The following RAB23 variants were observed in gnomAD, a reference collection of about 807,000 sequenced individuals.
RAB23 encodes the protein ras-related protein Rab-23.
A neutral mutation model predicts 30.0 loss-of-function variants in RAB23; 15 were observed. The observed-to-expected ratio is 0.50, with a 90% CI of 0.33 to 0.77. RAB23 has a LOEUF of 0.77. Among genes scored for constraint, RAB23 ranks in the 30% least tolerant of loss-of-function variants. The pLI is 0.02. For synonymous variants in RAB23, 93 were observed against 94.0 expected (o/e 0.99, Z 0.06); for missense variants, 243 against 275.4 (o/e 0.88, Z 0.83).
At chr6:57,210,631 T>A (rs1765617740) in intron 1 of RAB23, among the ~76,000 whole-genome samples, 186 bp from the exon 2 acceptor site, 1 of 152,196 alleles carries the variant, frequency 6.6e-6, no homozygotes, top group African/African-American at 2.4e-5. Flanking sequence ...TTTGAATGAA[T>A]CCTCATCAAT....
intron 4 of RAB23, among the ~76,000 whole-genome samples, chr6:57,195,797 A>G (rs532690723): frequency 7.1e-4 from 108 of 152,288 alleles, no homozygotes; most frequent in African/African-American, 2.3e-3. Flanking sequence ...CCACCAGCTA[A>G]GCCATTCTCA....
chr6:57,191,384 C>T (rs574531143), intron 6 of RAB23, among the ~76,000 whole-genome samples: 2 of 152,308 alleles, frequency 1.3e-5, no homozygotes, highest in African/African-American at 4.8e-5. Flanking sequence ...ATATTCTACA[C>T]AATGTTCTGC....
intron 6 of RAB23, among the ~76,000 whole-genome samples, chr6:57,191,096 A>G (rs377553549): frequency 5.9e-5 from 9 of 152,294 alleles, no homozygotes; most frequent in East Asian, 3.9e-4. Context: ...TATATACCAC[A>G]TTTTGCTTAT....
chr6:57,218,191 G>A (rs899401070), intron 1 of RAB23, among the ~76,000 whole-genome samples: 11 of 152,124 alleles, frequency 7.2e-5, no homozygotes, highest in African/African-American at 2.7e-4. Context: ...GAATAGAGAC[G>A]AGGAAACACT....
At chr6:57,217,419 C>T (rs1765890448) in intron 1 of RAB23, among the ~76,000 whole-genome samples, 1 of 152,096 alleles carries the variant, frequency 6.6e-6, no homozygotes. Context: ...TCAAACAATC[C>T]TGCCTCAGCC....
rs757695952 is a variant in RAB23 at position 57,193,833 on chromosome 6, T to G, written c.574+9A>C. 1 of 1,611,998 alleles carries G rather than the reference T, an allele frequency of 6.2e-7. No individual in the cohort carries two copies. Among genetic ancestry groups the G allele is most frequent in the African/African-American group, 1.3e-5 (1 of 74,898 alleles). ...AGTAAACATGGGCTAAAATTTCCTA[T>G]GTACTTACCAATCTTGTTACTACTT... On this transcript the variant is annotated intron_variant, in intron 6 of 6. Coordinates refer to ENST00000468148, the MANE Select transcript of RAB23 (RefSeq NM_016277.5).
At chr6:57,206,632 AGAG>A (rs1201716836) in intron 3 of RAB23, among the ~76,000 whole-genome samples, 2 of 152,254 alleles carry the variant, frequency 1.3e-5, no homozygotes, top group African/African-American at 2.4e-5. Context: ...GAAGGAGAAA[AGAG>A]GAGGAATGGT....
chr6:57,188,888 TAGG>T lies in RAB23; in HGVS notation c.*1570_*1572del, dbSNP rs755092368. The T allele has an allele frequency of 6.6e-6, 1 of 152,062 alleles. No homozygotes were observed. The highest frequency in any genetic ancestry group is 1.5e-5 in the Non-Finnish European group (1 of 67,990). 9.4% of individuals were successfully genotyped at this position (152,062 alleles called of 1,614,324 possible). ...CCAGGAAATTTGATTTTCTCAACAT[TAGG>T]AGGATGAGGGGAGTACAGATGGAAA... is the stretch of plus-strand genomic sequence containing the variant. On this transcript the variant is annotated 3_prime_UTR_variant, in exon 7 of 7. Coordinates refer to ENST00000468148, the MANE Select transcript of RAB23 (RefSeq NM_016277.5).
At chr6:57,206,102 C>T (rs1765446549) in intron 3 of RAB23, among the ~76,000 whole-genome samples, 1 of 152,118 alleles carries the variant, frequency 6.6e-6, no homozygotes, top group African/African-American at 2.4e-5. Context: ...TTCAGGTGCT[C>T]GGATGCAGAT....
In RAB23 at chr6:57,208,591, C is replaced by T. The variant is rs368215189; in HGVS notation, c.156-878G>A. ...GAGCCTGGGAGGTGGAGCACCACTG[C>T]AGTCCAGCCTGGGAGACAGAGTGAG... On this transcript the variant is annotated intron_variant, in intron 2 of 6. Coordinates refer to ENST00000468148, the MANE Select transcript of RAB23 (RefSeq NM_016277.5). 5.6e-5 allele frequency among the ~76,000 whole-genome samples: 7 copies of T among 125,968 alleles called. No homozygotes were observed. The East Asian group carries it at 1.4e-3, about 24-fold the overall frequency. 82.6% of individuals were successfully genotyped at this position (125,968 alleles called of 152,430 possible).
rs1254437410 is a variant in RAB23 at position 57,207,680 on chromosome 6, CCATAA to C, written c.184_188del (p.Leu62GlyfsTer9). 6.2e-7 allele frequency: 1 copy of C among 1,604,820 alleles called. No individual in the cohort carries two copies. The highest frequency in any genetic ancestry group is 8.5e-7 in the Non-Finnish European group (1 of 1,171,954). ...CAAATTCCTCCTGACCTGCAGTGTCCCATAACATTAGTCTGACATCTTCATCATTA... is the reference window on the plus strand; with the variant it reads ...CAAATTCCTCCTGACCTGCAGTGTCCCATTAGTCTGACATCTTCATCATTA... On this transcript the variant is annotated frameshift_variant, in exon 3 of 7. Transcript: ENST00000468148. LOFTEE classifies it high-confidence loss of function.
chr6:57,205,242 ATG>A (rs549233701), intron 3 of RAB23, among the ~76,000 whole-genome samples: 171 of 151,700 alleles, frequency 1.1e-3, no homozygotes, highest in Non-Finnish European at 1.8e-3. Flanking sequence ...GTGTGTATGT[ATG>A]TGTGTGTGTA....
At chr6:57,212,779 C>T (rs141512915) in intron 1 of RAB23, among the ~76,000 whole-genome samples, 3 of 151,576 alleles carry the variant, frequency 2.0e-5, no homozygotes, top group East Asian at 1.9e-4. Flanking sequence ...CCCAGCTACT[C>T]GGGAAGCTAA....
rs1332490586 is a variant in RAB23, at chr6:57,190,149, T to C, written c.*312A>G. ...AAATCTGTAACAATATATTTAGGCA[T>C]TTCATTTATGTTTTCCAGCATTTAA... On this transcript the variant is annotated 3_prime_UTR_variant, in exon 7 of 7. Coordinates refer to ENST00000468148, the MANE Select transcript of RAB23 (RefSeq NM_016277.5). 3 of 321,998 alleles carry C rather than the reference T, an allele frequency of 9.3e-6. No homozygotes were observed. The Admixed American group carries it at 1.4e-4, about 15-fold the overall frequency. 19.9% of individuals were successfully genotyped at this position (321,998 alleles called of 1,614,324 possible). A position where few individuals can be genotyped will look rare whatever the true frequency, so the allele number is the denominator to read the frequency against.
chr6:57,190,406 T>C lies in RAB23; in HGVS notation c.*55A>G, dbSNP rs1764793438. On this transcript the variant is annotated 3_prime_UTR_variant, in exon 7 of 7. Coordinates refer to ENST00000468148, the MANE Select transcript of RAB23 (RefSeq NM_016277.5). ...CTTGTAACATACCATGACAGCTGGA[T>C]GGGTTTCTTAATGCATTGCACAATG... 4 of 1,592,844 alleles carry C rather than the reference T, an allele frequency of 2.5e-6. No individual in the cohort carries two copies. The Admixed American group carries it at 5.0e-5, about 20-fold the overall frequency.
chr6:57,202,205 CTCT>C (rs1451051413), intron 3 of RAB23, among the ~76,000 whole-genome samples: 2 of 152,166 alleles, frequency 1.3e-5, no homozygotes, highest in African/African-American at 4.8e-5. Flanking sequence ...CCCTTACCTT[CTCT>C]TCTTACTTTT....
At position 57,188,383 on chromosome 6, in the gene RAB23, A is replaced by G. The variant is rs1684543792; in HGVS notation, c.*2078T>C. On this transcript the variant is annotated 3_prime_UTR_variant, in exon 7 of 7. Transcript: ENST00000468148. ...TATTTAAAAAAAGATAAAACTAGGT[A>G]CATAAAATTATATTACAGGAACTGT... 6.6e-6 allele frequency: 1 copy of G among 152,228 alleles called. No homozygotes were observed. The highest frequency in any genetic ancestry group is 2.1e-4 in the South Asian group (1 of 4,836). 9.4% of individuals were successfully genotyped at this position (152,228 alleles called of 1,614,324 possible).
chr6:57,196,686 A>G, intron 3 of RAB23, 80 bp from the exon 4 acceptor site: 1 of 1,523,584 alleles, frequency 6.6e-7, no homozygotes, highest in East Asian at 2.4e-5. Flanking sequence ...AAACAATCTC[A>G]TGAAGAATGG....
chr6:57,206,993 C>T (rs1435096429), intron 3 of RAB23, among the ~76,000 whole-genome samples: 1 of 152,178 alleles, frequency 6.6e-6, no homozygotes, highest in Non-Finnish European at 1.5e-5. Flanking sequence ...ACTGTGTTCT[C>T]TCACTTTAAT....
Sources: allele counts gnomAD v4.1 joint callset (sites outside exome capture counted in the v4.1 genomes callset), GRCh38; gene constraint gnomAD v4.1.1; transcripts MANE v1.5; gene names NCBI Gene and HGNC (gene_info 2026-07-23, HGNC 2026-07-21).